SAMTOR: variants seen among roughly 807,000 people sequenced by gnomAD.
SAMTOR encodes the protein S-adenosylmethionine sensor upstream of mTORC1.
chr7:112,827,231 C>T, the SAMTOR span, among the ~76,000 whole-genome samples: 1 of 152,150 alleles, frequency 6.6e-6, no homozygotes, highest in Non-Finnish European at 1.5e-5. Context: ...CCCCAATCTG[C>T]CAGTCTTTGC....
chr7:112,846,828 A>G, the SAMTOR span, among the ~76,000 whole-genome samples: 1 of 152,214 alleles, frequency 6.6e-6, no homozygotes, highest in Non-Finnish European at 1.5e-5. Context: ...TTGGAATATG[A>G]GCATTCTAGA....
At chr7:112,822,758 C>G in the SAMTOR span, among the ~76,000 whole-genome samples, 2 of 151,842 alleles carry the variant, frequency 1.3e-5, no homozygotes, top group Admixed American at 1.3e-4. Flanking sequence ...AAATGCTAAA[C>G]AAGAAATACC....
At chr7:112,905,536 TA>T in the SAMTOR span, among the ~76,000 whole-genome samples, 1 of 152,064 alleles carries the variant, frequency 6.6e-6, no homozygotes, top group African/African-American at 2.4e-5. Context: ...TAAATATGAA[TA>T]AAAATATGAA....
the SAMTOR span, chr7:112,915,508 A>G: frequency 1.3e-5 from 17 of 1,359,168 alleles, no homozygotes; most frequent in Non-Finnish European, 1.6e-5. Flanking sequence ...TCTTGAAATA[A>G]GTTTTAGCAC....
At chr7:112,860,023 C>T in the SAMTOR span, among the ~76,000 whole-genome samples, 9 of 152,164 alleles carry the variant, frequency 5.9e-5, no homozygotes, top group African/African-American at 1.2e-4. Context: ...AAGTTCCATT[C>T]GTGGTAAGTG....
At chr7:112,845,765 C>G in the SAMTOR span, among the ~76,000 whole-genome samples, 1 of 152,068 alleles carries the variant, frequency 6.6e-6, no homozygotes, top group African/African-American at 2.4e-5. Context: ...ATCATTTTAC[C>G]ATAAAGACAC....
At chr7:112,930,360 C>A in the SAMTOR span, among the ~76,000 whole-genome samples, 1 of 151,922 alleles carries the variant, frequency 6.6e-6, no homozygotes, top group Admixed American at 6.6e-5. Context: ...TAATTAAGAG[C>A]CAAAAAGTAA....
the SAMTOR span, among the ~76,000 whole-genome samples, chr7:112,922,331 C>T: frequency 6.6e-6 from 1 of 152,202 alleles, no homozygotes; most frequent in Non-Finnish European, 1.5e-5. Flanking sequence ...AGCTGCCTGC[C>T]TTGGCCTCCC....
the SAMTOR span, among the ~76,000 whole-genome samples, chr7:112,859,424 A>G: frequency 6.6e-6 from 1 of 152,228 alleles, no homozygotes; most frequent in African/African-American, 2.4e-5. Context: ...AAAGTAAAGC[A>G]CACAGAATTA....
chr7:112,912,665 T>G, the SAMTOR span, among the ~76,000 whole-genome samples: 1 of 152,036 alleles, frequency 6.6e-6, no homozygotes, highest in Non-Finnish European at 1.5e-5. Context: ...CTTCTCTTAG[T>G]ATTACTTCTG....
At chr7:112,907,875 T>TTATC in the SAMTOR span, among the ~76,000 whole-genome samples, 1 of 151,766 alleles carries the variant, frequency 6.6e-6, no homozygotes, top group African/African-American at 2.4e-5. Context: ...ATTTATTTAT[T>TTATC]TGCTGGTGAA....
the SAMTOR span, among the ~76,000 whole-genome samples, chr7:112,889,089 G>A: frequency 6.6e-6 from 1 of 152,088 alleles, no homozygotes; most frequent in African/African-American, 2.4e-5. Context: ...CTAGTAAAAA[G>A]ACTAGAAAGA....
chr7:112,837,896 T>C, the SAMTOR span, among the ~76,000 whole-genome samples: 1 of 152,078 alleles, frequency 6.6e-6, no homozygotes, highest in South Asian at 2.1e-4. Flanking sequence ...GCATTAACAT[T>C]GAACTCGTGG....
At chr7:112,820,770 C>T in the SAMTOR span, 1 of 151,976 alleles carries the variant, frequency 6.6e-6, no homozygotes, top group Non-Finnish European at 1.5e-5. Flanking sequence ...AGATCACCAA[C>T]AGAGGGTTAA....
At chr7:112,884,325 T>C in the SAMTOR span, among the ~76,000 whole-genome samples, 11 of 152,138 alleles carry the variant, frequency 7.2e-5, no homozygotes, top group Non-Finnish European at 1.3e-4. Flanking sequence ...TTCCCTACAG[T>C]TCCTCGAAGT....
At chr7:112,921,986 C>G in the SAMTOR span, among the ~76,000 whole-genome samples, 4 of 151,164 alleles carry the variant, frequency 2.6e-5, no homozygotes, top group South Asian at 6.2e-4. Context: ...CCGCTCCCCA[C>G]GGTCTCCCTC....
At chr7:112,919,040 G>A in the SAMTOR span, among the ~76,000 whole-genome samples, 3 of 152,098 alleles carry the variant, frequency 2.0e-5, no homozygotes, top group African/African-American at 4.8e-5. Context: ...ACAGATCAAC[G>A]AGACAGAAAG....
chr7:112,829,645 T>A, the SAMTOR span, among the ~76,000 whole-genome samples: 1 of 152,252 alleles, frequency 6.6e-6, no homozygotes, highest in African/African-American at 2.4e-5. Flanking sequence ...TAAATATTCC[T>A]GAACTGTGTT....
the SAMTOR span, among the ~76,000 whole-genome samples, chr7:112,933,432 C>T: frequency 6.6e-6 from 1 of 152,154 alleles, no homozygotes. Flanking sequence ...AAGACAACTT[C>T]TTAAAGTGTG....
Sources: allele counts gnomAD v4.1 joint callset (sites outside exome capture counted in the v4.1 genomes callset), GRCh38; gene constraint gnomAD v4.1.1; transcripts MANE v1.5; gene names NCBI Gene and HGNC (gene_info 2026-07-23, HGNC 2026-07-21).